Variants in GPC5 observed in about 807,000 individuals in gnomAD.
GPC5 encodes the protein glypican 5, also known as glypican-5.
In GPC5, 47 loss-of-function variants were observed where a neutral mutation model predicts 53.9. The observed-to-expected ratio is 0.87, with a 90% CI of 0.69 to 1.11. The LOEUF (loss-of-function observed/expected upper bound fraction) is 1.11. Among genes scored for constraint, GPC5 ranks in the 50% most tolerant of loss-of-function variants. The pLI, the probability that GPC5 is intolerant of heterozygous loss-of-function variation, is 0.00. For synonymous variants in GPC5, 286 were observed against 263.3 expected (o/e 1.09, Z -0.84); for missense variants, 748 against 713.1 (o/e 1.05, Z -0.56).
intron 7 of GPC5, among the ~76,000 whole-genome samples, chr13:92,287,558 TG>T (rs140876908): frequency 0.2 from 30,006 of 152,136 alleles, 3,079 homozygotes; most frequent in South Asian, 0.37. Context: ...TATTTCTAAT[TG>T]TTTTATCTTG....
intron 7 of GPC5, among the ~76,000 whole-genome samples, chr13:92,752,702 C>T (rs1389673775): frequency 2.6e-5 from 4 of 152,144 alleles, no homozygotes; most frequent in Non-Finnish European, 5.9e-5. Context: ...AGGGAGTTCC[C>T]TTTCCTAGTC....
intron 7 of GPC5, among the ~76,000 whole-genome samples, chr13:92,214,999 A>G (rs1275973596): frequency 6.6e-6 from 1 of 152,202 alleles, no homozygotes; most frequent in East Asian, 1.9e-4. Flanking sequence ...AGCTCTGCCT[A>G]CATCTTCATC....
intron 2 of GPC5, among the ~76,000 whole-genome samples, chr13:91,582,669 A>G (rs1264076999): frequency 6.6e-6 from 1 of 152,178 alleles, no homozygotes; most frequent in African/African-American, 2.4e-5. Context: ...AAAGGAGGGC[A>G]ATTATGGCAT....
intron 7 of GPC5, among the ~76,000 whole-genome samples, chr13:92,607,130 T>TG (rs1884283469): frequency 1.3e-5 from 2 of 152,206 alleles, no homozygotes; most frequent in South Asian, 4.1e-4. Context: ...AAAATGTATC[T>TG]GGATAATAAT....
intron 2 of GPC5, among the ~76,000 whole-genome samples, chr13:91,561,471 G>A (rs9301738): frequency 0.45 from 67,746 of 151,912 alleles, 18,167 homozygotes; most frequent in East Asian, 0.71. Flanking sequence ...CTGTGCAGAA[G>A]TTAGGTGGAT....
At chr13:92,652,222 T>G (rs1885982540) in intron 7 of GPC5, among the ~76,000 whole-genome samples, 1 of 152,206 alleles carries the variant, frequency 6.6e-6, no homozygotes, top group Admixed American at 6.5e-5. Flanking sequence ...CTCAGATATA[T>G]TTTAACTTCT....
chr13:92,118,729 C>G (rs1168815078), intron 6 of GPC5, among the ~76,000 whole-genome samples: 2 of 152,156 alleles, frequency 1.3e-5, no homozygotes, highest in African/African-American at 2.4e-5. Context: ...TTATTGCTCA[C>G]TTTTAAGAGT....
chr13:91,980,051 G>A (rs2040343336), intron 6 of GPC5, among the ~76,000 whole-genome samples: 1 of 152,076 alleles, frequency 6.6e-6, no homozygotes, highest in South Asian at 2.1e-4. Context: ...AATACTATAG[G>A]CCCAGAGTCC....
At position 92,020,683 on chromosome 13, in the gene GPC5, CTT is replaced by C. The variant is rs71113782; in HGVS notation, c.1401+112640_1401+112641del. Among the ~76,000 whole-genome samples, 694 of 140,632 alleles carry C rather than the reference CTT, an allele frequency of 4.9e-3. 9 individuals are homozygous for C. Among genetic ancestry groups the C allele is most frequent in the African/African-American group, 0.017 (659 of 38,822 alleles). The allele number at this position is 140,632 out of a possible 152,430, so 92.3% of individuals were successfully genotyped here. A position where few individuals can be genotyped will look rare whatever the true frequency, so the allele number is the denominator to read the frequency against. On this transcript the variant is annotated intron_variant, in intron 6 of 7. Coordinates refer to ENST00000377067, the MANE Select transcript of GPC5 (RefSeq NM_004466.6). ...TAGTCCAATTTTTTATTAGTTTATTCTTTTTTTTTTTTTTTACTATTATGAAC... is the reference window on the plus strand; with the variant it reads ...TAGTCCAATTTTTTATTAGTTTATTCTTTTTTTTTTTTTACTATTATGAAC...
chr13:92,413,721 T>A (rs1359782946), intron 7 of GPC5, among the ~76,000 whole-genome samples: 1 of 151,974 alleles, frequency 6.6e-6, no homozygotes, highest in Admixed American at 6.6e-5. Flanking sequence ...AATAGAGAAC[T>A]CAGATAAAGA....
intron 2 of GPC5, among the ~76,000 whole-genome samples, chr13:91,568,758 C>CTTT (rs745597285): frequency 1.4e-5 from 2 of 138,774 alleles, no homozygotes; most frequent in African/African-American, 2.6e-5. Context: ...TTCTTTCTTT[C>CTTT]TTTTTTTTTT....
At chr13:92,172,952 T>G (rs895653928) in intron 7 of GPC5, among the ~76,000 whole-genome samples, 1 of 105,078 alleles carries the variant, frequency 9.5e-6, no homozygotes, top group African/African-American at 2.8e-5. Flanking sequence ...TATTTTAATT[T>G]GACTATACCT....
intron 7 of GPC5, among the ~76,000 whole-genome samples, chr13:92,458,160 A>G (rs898180751): frequency 6.6e-6 from 1 of 152,142 alleles, no homozygotes; most frequent in African/African-American, 2.4e-5. Flanking sequence ...GTCAGTCATA[A>G]ATTGTGGTTA....
intron 7 of GPC5, among the ~76,000 whole-genome samples, chr13:92,514,895 G>A (rs1009153429): frequency 6.6e-6 from 1 of 152,066 alleles, no homozygotes; most frequent in Non-Finnish European, 1.5e-5. Flanking sequence ...AATAGGTTAT[G>A]GCAACCACTT....
chr13:92,173,159 A>T (rs1230822295), intron 7 of GPC5, among the ~76,000 whole-genome samples: 1 of 151,880 alleles, frequency 6.6e-6, no homozygotes, highest in South Asian at 2.1e-4. Flanking sequence ...TGTGAGTGCA[A>T]CTAAACTCCC....
chr13:92,572,001 C>T (rs954874222), intron 7 of GPC5, among the ~76,000 whole-genome samples: 8 of 151,960 alleles, frequency 5.3e-5, no homozygotes, highest in Non-Finnish European at 8.8e-5. Context: ...CAACACTGCA[C>T]GCCGGCCTGG....
Position 91,711,268 on chromosome 13 carries a change from T to C in GPC5, c.1021-17264T>C, listed in dbSNP as rs562661330. ...GGCACATATACACCACGGAATACTA[T>C]GCAGCTAAAAAAAAGGATGAGTTCA... On this transcript the variant is annotated intron_variant, in intron 3 of 7. Coordinates refer to ENST00000377067, the MANE Select transcript of GPC5 (RefSeq NM_004466.6). Among the ~76,000 whole-genome samples, 135 of 152,178 alleles carry C rather than the reference T, an allele frequency of 8.9e-4. 2 individuals carry two copies. Among genetic ancestry groups the C allele is most frequent in the Admixed American group, 2.7e-3 (42 of 15,290 alleles).
At chr13:92,111,440 C>T (rs2041555736) in intron 6 of GPC5, among the ~76,000 whole-genome samples, 1 of 152,120 alleles carries the variant, frequency 6.6e-6, no homozygotes, top group Non-Finnish European at 1.5e-5. Context: ...GATCCAGGCA[C>T]ATTGCTGCTG....
At chr13:92,051,199 CTTTT>C (rs72346282) in intron 6 of GPC5, among the ~76,000 whole-genome samples, 2 of 73,912 alleles carry the variant, frequency 2.7e-5, no homozygotes, top group East Asian at 4.3e-4. Flanking sequence ...TCATTTTTTT[CTTTT>C]TTTTTTTTTT....
Sources: gnomAD v4.1 joint callset for allele counts (sites outside exome capture counted in the v4.1 genomes callset) on GRCh38, gnomAD v4.1.1 for gene constraint, MANE v1.5 for transcripts, NCBI Gene and HGNC (gene_info 2026-07-23, HGNC 2026-07-21) for gene names.